The following NBAS variants were observed in gnomAD, a reference collection of about 807,000 sequenced individuals.
NBAS encodes NBAS subunit of NRZ tethering complex.
Under a neutral mutation model 302.5 loss-of-function variants are expected in NBAS, and 219 were observed. The ratio of observed to expected loss-of-function variants is 0.72; its 90% CI spans 0.65 to 0.81. The LOEUF (loss-of-function observed/expected upper bound fraction) is 0.81, where lower values mean the gene tolerates loss of function less well. Among genes scored for constraint, NBAS ranks in the 30% least tolerant of loss-of-function variants. The pLI is 0.00. For synonymous variants in NBAS, 1,118 were observed against 1,021.6 expected, an observed-to-expected ratio of 1.09 and a Z score of -1.80; for missense variants, 2,932 against 2,841.6, an observed-to-expected ratio of 1.03 and a Z score of -0.72.
the NBAS span, among the ~76,000 whole-genome samples, chr2:14,848,075 C>T: frequency 2.6e-5 from 4 of 152,042 alleles, no homozygotes; most frequent in Admixed American, 6.5e-5. Context: ...GGGGGAGGAG[C>T]CAAGATGGCC....
chr2:15,399,985 A>G (rs781066609), intron 26 of NBAS, among the ~76,000 whole-genome samples: 1 of 152,182 alleles, frequency 6.6e-6, no homozygotes, highest in Non-Finnish European at 1.5e-5. Context: ...CATTTTCCTA[A>G]TATGTGACAG....
chr2:14,985,007 A>G, the NBAS span, among the ~76,000 whole-genome samples: 49 of 152,184 alleles, frequency 3.2e-4, no homozygotes, highest in African/African-American at 1.1e-3. Flanking sequence ...ATGGCGGCCC[A>G]AGTTCATGAA....
chr2:14,950,428 A>G, the NBAS span, among the ~76,000 whole-genome samples: 10 of 152,232 alleles, frequency 6.6e-5, no homozygotes, highest in East Asian at 1.3e-3. Flanking sequence ...TGTTTCTAAC[A>G]TAAAAAACAC....
At chr2:15,256,100 G>C (rs187510305) in intron 44 of NBAS, among the ~76,000 whole-genome samples, 97 of 152,156 alleles carry the variant, frequency 6.4e-4, no homozygotes, top group African/African-American at 2.1e-3. Context: ...AATGATGATC[G>C]TATTTTGGTG....
At chr2:15,281,944 T>G (rs1669845110) in intron 42 of NBAS, among the ~76,000 whole-genome samples, 1 of 152,202 alleles carries the variant, frequency 6.6e-6, no homozygotes, top group African/African-American at 2.4e-5. Context: ...TTCTGGTTTT[T>G]AGGATTTCTA....
At chr2:15,249,309 G>A (rs1311568493) in intron 44 of NBAS, among the ~76,000 whole-genome samples, 1 of 151,978 alleles carries the variant, frequency 6.6e-6, no homozygotes, top group Non-Finnish European at 1.5e-5. Flanking sequence ...TTGATGAAAC[G>A]TATCTCAAAA....
At chr2:15,527,117 A>T (rs1662948297) in intron 9 of NBAS, among the ~76,000 whole-genome samples, 1 of 150,998 alleles carries the variant, frequency 6.6e-6, no homozygotes, top group African/African-American at 2.4e-5. Context: ...AAAAACACAG[A>T]AATGTGGGGT....
At chr2:15,099,335 T>C in the NBAS span, among the ~76,000 whole-genome samples, 1 of 152,072 alleles carries the variant, frequency 6.6e-6, no homozygotes, top group East Asian at 1.9e-4. Flanking sequence ...AGGTGACCAT[T>C]TCTGAGAGGA....
intron 48 of NBAS, among the ~76,000 whole-genome samples, chr2:15,199,474 G>A (rs1246723652): frequency 1.3e-5 from 2 of 152,140 alleles, no homozygotes; most frequent in Non-Finnish European, 2.9e-5. Context: ...ATTTCATAAA[G>A]TATGAGGAGT....
chr2:15,523,062 G>A (rs192106711), intron 9 of NBAS, among the ~76,000 whole-genome samples: 6 of 152,230 alleles, frequency 3.9e-5, no homozygotes, highest in East Asian at 1.9e-4. Flanking sequence ...GGCACATATC[G>A]AGCAATTCAA....
the NBAS span, among the ~76,000 whole-genome samples, chr2:15,084,898 T>C: frequency 6.6e-6 from 1 of 152,190 alleles, no homozygotes; most frequent in Non-Finnish European, 1.5e-5. Flanking sequence ...TTGGTTACCG[T>C]GATAGTTAAT....
rs1202629077 is a variant in NBAS, at chr2:15,187,146, A to G, written c.6573-266T>C. Among the ~76,000 whole-genome samples the G allele has an allele frequency of 2.0e-5, 3 of 152,112 alleles. 1 individual carries two copies. Among genetic ancestry groups the G allele is most frequent in the African/African-American group, 7.2e-5 (3 of 41,434 alleles). ...GTGAAGCCAGACAGACTCGGGCCCA[A>G]ATTCTGACTATTTGGGTCCTCAGAG... On this transcript the variant is annotated intron_variant, in intron 49 of 51. Transcript: ENST00000281513.
chr2:14,863,876 T>C, the NBAS span, among the ~76,000 whole-genome samples: 1 of 152,144 alleles, frequency 6.6e-6, no homozygotes, highest in African/African-American at 2.4e-5. Context: ...AAGTAGTGAG[T>C]AGCAAAACCA....
At chr2:14,842,863 AAC>A in the NBAS span, among the ~76,000 whole-genome samples, 1 of 150,798 alleles carries the variant, frequency 6.6e-6, no homozygotes, top group Admixed American at 6.6e-5. Flanking sequence ...AAAAAAAAAA[AAC>A]ATATACAGCA....
intron 17 of NBAS, 26 bp downstream of exon 17, chr2:15,468,356 T>C (rs1448700661): frequency 1.2e-6 from 2 of 1,613,678 alleles, no homozygotes; most frequent in South Asian, 2.2e-5. Context: ...ACCTTTACTT[T>C]GAATCCAATT....
chr2:14,942,245 G>A, the NBAS span, among the ~76,000 whole-genome samples: 1 of 152,192 alleles, frequency 6.6e-6, no homozygotes, highest in Non-Finnish European at 1.5e-5. Context: ...TTGGGTCTGT[G>A]TCCCCACCAA....
intron 19 of NBAS, among the ~76,000 whole-genome samples, chr2:15,462,768 A>G (rs1447718350): frequency 1.3e-5 from 2 of 152,140 alleles, no homozygotes; most frequent in African/African-American, 4.8e-5. Context: ...TGAGTTAGAG[A>G]TATATGGCAT....
chr2:15,118,900 G>A, the NBAS span, among the ~76,000 whole-genome samples: 1 of 152,216 alleles, frequency 6.6e-6, no homozygotes, highest in Admixed American at 6.5e-5. Context: ...AGTTTGTTAA[G>A]CAGCAATTCA....
chr2:15,303,143 A>C (rs1670881435), intron 40 of NBAS, among the ~76,000 whole-genome samples: 1 of 152,122 alleles, frequency 6.6e-6, no homozygotes, highest in South Asian at 2.1e-4. Context: ...CTGCTTAATA[A>C]ACTCTCCTTC....
Sources: allele counts gnomAD v4.1 joint callset (sites outside exome capture counted in the v4.1 genomes callset), GRCh38; gene constraint gnomAD v4.1.1; transcripts MANE v1.5; gene names NCBI Gene and HGNC (gene_info 2026-07-23, HGNC 2026-07-21).